Variants in IDO2 observed in about 807,000 individuals in gnomAD.
IDO2 encodes the protein indoleamine 2,3-dioxygenase-like 1 protein.
IDO2 carries 46 observed loss-of-function variants against 45.1 expected under a neutral mutation model. That is an observed-to-expected ratio of 1.02 (90% CI 0.80 to 1.30). The LOEUF (loss-of-function observed/expected upper bound fraction) is 1.30. IDO2 is among the 50% of genes most tolerant of loss of function. IDO2 has a pLI of 0.00. For synonymous variants in IDO2, 218 were observed against 184.9 expected, an observed-to-expected ratio of 1.18 and a Z score of -1.45; for missense variants, 544 against 491.8, an observed-to-expected ratio of 1.11 and a Z score of -1.00.
At chr8:40,002,380 C>T (rs183612715) in intron 8 of IDO2, among the ~76,000 whole-genome samples, 19 of 152,258 alleles carry the variant, frequency 1.2e-4, no homozygotes, top group Non-Finnish European at 2.4e-4. Context: ...TGTGGTATTC[C>T]TCATTTTCAA....
At chr8:39,950,191 T>C (rs1271888611) in intron 2 of IDO2, among the ~76,000 whole-genome samples, 1 of 152,146 alleles carries the variant, frequency 6.6e-6, no homozygotes, top group Non-Finnish European at 1.5e-5. Flanking sequence ...TTATTAATTA[T>C]TATTATTACA....
At chr8:39,972,343 C>T (rs959046296) in intron 3 of IDO2, among the ~76,000 whole-genome samples, 2 of 151,954 alleles carry the variant, frequency 1.3e-5, no homozygotes, top group South Asian at 2.1e-4. Context: ...GGGTGCCGAG[C>T]GTGGTGGCTC....
chr8:39,993,638 C>T (rs1286760239), intron 8 of IDO2, among the ~76,000 whole-genome samples: 1 of 152,196 alleles, frequency 6.6e-6, no homozygotes, highest in Non-Finnish European at 1.5e-5. Flanking sequence ...GTAATTAACA[C>T]TGAGATTCTT....
intron 9 of IDO2, among the ~76,000 whole-genome samples, chr8:40,007,660 C>A (rs979387809): frequency 6.6e-6 from 1 of 152,176 alleles, no homozygotes; most frequent in African/African-American, 2.4e-5. Flanking sequence ...TCTGGAAAAT[C>A]CCTTTTTGCT....
At chr8:39,958,346 G>A (rs552739346) in intron 2 of IDO2, among the ~76,000 whole-genome samples, 4 of 131,182 alleles carry the variant, frequency 3.0e-5, no homozygotes, top group Non-Finnish European at 6.7e-5. Context: ...CGATTCTCCC[G>A]CCTCAGCCTC....
chr8:40,013,525 C>T (rs746517998), intron 9 of IDO2, 40 bp from the exon 10 acceptor site: 2 of 1,587,588 alleles, frequency 1.3e-6, no homozygotes, highest in South Asian at 2.3e-5. Flanking sequence ...CCATTACCTC[C>T]CTGCACCCCT....
intron 2 of IDO2, among the ~76,000 whole-genome samples, chr8:39,961,015 C>T (rs1270183889): frequency 6.6e-6 from 1 of 152,150 alleles, no homozygotes; most frequent in Non-Finnish European, 1.5e-5. Context: ...GATCTCCTGA[C>T]CTCGTGATCT....
intron 10 of IDO2, 63 bp from the exon 11 acceptor site, chr8:40,015,184 G>C: frequency 1.0e-6 from 1 of 975,918 alleles, no homozygotes; most frequent in South Asian, 1.6e-5. Context: ...AGAAGAAGAA[G>C]CAGACGAGCT....
chr8:39,940,624 C>CG (rs1807628351), intron 1 of IDO2, among the ~76,000 whole-genome samples: 1 of 152,078 alleles, frequency 6.6e-6, no homozygotes, highest in South Asian at 2.1e-4. Context: ...TTTTAAAATA[C>CG]GCAATATATT....
intron 8 of IDO2, among the ~76,000 whole-genome samples, chr8:39,999,931 G>A (rs1176781734): frequency 6.6e-6 from 1 of 152,180 alleles, no homozygotes; most frequent in African/African-American, 2.4e-5. Flanking sequence ...GATTGCTGGG[G>A]TCAGGAATGG....
intron 1 of IDO2, among the ~76,000 whole-genome samples, chr8:39,944,332 T>C (rs886123361): frequency 1.3e-5 from 2 of 152,176 alleles, no homozygotes; most frequent in African/African-American, 4.8e-5. Flanking sequence ...TGCTGTTAAC[T>C]CAGGACTACC....
chr8:39,986,513 CAT>C (rs1808424783), intron 6 of IDO2: 1 of 152,136 alleles, frequency 6.6e-6, no homozygotes, highest in Non-Finnish European at 1.5e-5. Flanking sequence ...GTTTGTTTTT[CAT>C]CTTTGTCTCA....
intron 2 of IDO2, among the ~76,000 whole-genome samples, chr8:39,952,221 GTAGA>G (rs1214865581): frequency 1.3e-5 from 2 of 152,168 alleles, no homozygotes; most frequent in African/African-American, 4.8e-5. Context: ...TGTTGCAAGA[GTAGA>G]TAGAGAATCA....
intron 8 of IDO2, among the ~76,000 whole-genome samples, chr8:39,999,096 G>A (rs1802097340): frequency 1.3e-5 from 2 of 152,076 alleles, no homozygotes; most frequent in South Asian, 2.1e-4. Context: ...ATTTTTGCTA[G>A]CAGCTATATT....
At chr8:40,006,682 CAG>C (rs1299622731) in intron 9 of IDO2, among the ~76,000 whole-genome samples, 2 of 66,396 alleles carry the variant, frequency 3.0e-5, no homozygotes, top group Non-Finnish European at 7.2e-5. Context: ...TTTTTTGAGA[CAG>C]AGTCTTGCTC....
At chr8:39,995,103 G>A (rs1802013142) in intron 8 of IDO2, 1 of 152,020 alleles carries the variant, frequency 6.6e-6, no homozygotes, top group South Asian at 2.1e-4. Context: ...AAGGCAAAAT[G>A]AGGACACTTA....
In IDO2 at chr8:39,987,837, A is replaced by G. The variant is rs1401543333; in HGVS notation, c.450-34A>G. On this transcript the variant is annotated intron_variant, in intron 6 of 10. Transcript: ENST00000502986. The stretch of plus-strand genomic sequence containing the variant: ...AGTGAGTACTCACGGTACAGTCTCC[A>G]CACCTCTAATCATGTGCTCCTCTCC... The G allele has an allele frequency of 2.3e-6, 3 of 1,314,684 alleles. No individual in the cohort carries two copies. The South Asian group carries it at 3.7e-5, about 16-fold the overall frequency. The allele number at this position is 1,314,684 out of a possible 1,614,324, so 81.4% of individuals were successfully genotyped here.
intron 1 of IDO2, among the ~76,000 whole-genome samples, chr8:39,944,264 G>T (rs529780133): frequency 3.8e-4 from 18 of 47,460 alleles, no homozygotes; most frequent in Non-Finnish European, 4.4e-4. Flanking sequence ...ATATTATTAC[G>T]CAAGGATCCA....
chr8:39,936,609 C>A (rs946377750), intron 1 of IDO2, among the ~76,000 whole-genome samples: 1 of 152,150 alleles, frequency 6.6e-6, no homozygotes, highest in Non-Finnish European at 1.5e-5. Flanking sequence ...AAGACAATTG[C>A]AGTAATTTGC....
Sources: gnomAD v4.1 joint callset for allele counts (sites outside exome capture counted in the v4.1 genomes callset) on GRCh38, gnomAD v4.1.1 for gene constraint, MANE v1.5 for transcripts, NCBI Gene and HGNC (gene_info 2026-07-23, HGNC 2026-07-21) for gene names.